SNTG1: variants seen among roughly 807,000 people sequenced by gnomAD.
The protein encoded by SNTG1 is gamma-1-syntrophin.
Under a neutral mutation model 74.7 loss-of-function variants are expected in SNTG1, and 39 were observed. The observed-to-expected ratio is 0.52, with a 90% confidence interval of 0.40 to 0.68. The LOEUF is 0.68. Ranked by LOEUF, SNTG1 falls within the 30% of genes least tolerant of loss-of-function variation. The pLI is 0.00. For synonymous variants in SNTG1, 254 were observed against 217.1 expected (o/e 1.17, Z -1.49); for missense variants, 685 against 609.5 (o/e 1.12, Z -1.30).
At chr8:50,368,242 G>T (rs750710945) in intron 2 of SNTG1, among the ~76,000 whole-genome samples, 26 of 152,084 alleles carry the variant, frequency 1.7e-4, no homozygotes, top group Non-Finnish European at 2.9e-4. Flanking sequence ...TATCTTGGTT[G>T]CATTTTGTTC....
chr8:49,910,737 G>C (rs2306742), upstream of SNTG1, among the ~76,000 whole-genome samples: 4,838 of 152,246 alleles, frequency 0.032, 230 homozygotes, highest in African/African-American at 0.1. Context: ...TGGGAGACCA[G>C]AGGGAAAATG....
chr8:50,588,282 G>A (rs1473018404), intron 12 of SNTG1, among the ~76,000 whole-genome samples: 5 of 152,042 alleles, frequency 3.3e-5, no homozygotes, highest in African/African-American at 1.2e-4. Context: ...ATGGATGTGG[G>A]TGTGTGTACA....
At chr8:50,108,344 A>ATGTTC (rs2080458900) in intron 1 of SNTG1, among the ~76,000 whole-genome samples, 2 of 152,188 alleles carry the variant, frequency 1.3e-5, no homozygotes, top group African/African-American at 2.4e-5. Flanking sequence ...AAGACAGTTT[A>ATGTTC]TGTTCTGGTA....
At chr8:50,256,020 A>G (rs776881800) in intron 2 of SNTG1, among the ~76,000 whole-genome samples, 4 of 152,160 alleles carry the variant, frequency 2.6e-5, no homozygotes. Context: ...TTATCCTCAA[A>G]TACTTGTCTA....
chr8:50,401,294 A>G (rs2092802222), intron 3 of SNTG1, among the ~76,000 whole-genome samples: 3 of 152,158 alleles, frequency 2.0e-5, no homozygotes, highest in Admixed American at 2.0e-4. Flanking sequence ...GTCTGTGACA[A>G]GTGGGAATGT....
chr8:50,747,471 G>T (rs188999442), intron 17 of SNTG1, among the ~76,000 whole-genome samples: 1 of 151,822 alleles, frequency 6.6e-6, no homozygotes, highest in Non-Finnish European at 1.5e-5. Context: ...AAAAATTGGC[G>T]TATAAAAATT....
chr8:50,713,869 C>T (rs2095468662), intron 17 of SNTG1, among the ~76,000 whole-genome samples: 1 of 151,916 alleles, frequency 6.6e-6, no homozygotes, highest in Non-Finnish European at 1.5e-5. Context: ...ACCAGCATGA[C>T]CAACATAATG....
At chr8:50,298,032 CT>C (rs1478190415) in intron 2 of SNTG1, among the ~76,000 whole-genome samples, 1,551 of 9,160 alleles carry the variant, frequency 0.17, 7 homozygotes, top group Non-Finnish European at 0.41. Context: ...TGTTGAAAAG[CT>C]AAAAAAAAAA....
At chr8:50,479,725 TCC>T (rs2093725032) in intron 8 of SNTG1, among the ~76,000 whole-genome samples, 1 of 151,992 alleles carries the variant, frequency 6.6e-6, no homozygotes, top group Admixed American at 6.5e-5. Flanking sequence ...TCTTCAGCTG[TCC>T]CCCATATTGG....
In SNTG1 at chr8:50,103,356, CTGTT is replaced by C. The variant is rs1201126137; in HGVS notation, c.-102-69201_-102-69198del. Among the ~76,000 whole-genome samples, 16 of 152,222 alleles carry C rather than the reference CTGTT, an allele frequency of 1.1e-4. No individual in the cohort carries two copies. The East Asian group carries it at 2.9e-3, about 28-fold the overall frequency. The stretch of plus-strand genomic sequence containing the variant: ...AGGAGTTCACTCATGATTTGGCTCT[CTGTT>C]TGTCTGTTGTTGGTGTATAAGAATG... On this transcript the variant is annotated intron_variant, in intron 1 of 18. Coordinates refer to ENST00000642720, the MANE Select transcript of SNTG1 (RefSeq NM_018967.5).
intron 11 of SNTG1, among the ~76,000 whole-genome samples, chr8:50,544,503 C>A (rs2623209): frequency 0.35 from 53,055 of 151,638 alleles, 11,169 homozygotes; most frequent in African/African-American, 0.6. Flanking sequence ...TTTTTAAAAG[C>A]GTACATTTAT....
intron 2 of SNTG1, among the ~76,000 whole-genome samples, chr8:50,375,341 C>G (rs1010255383): frequency 1.3e-5 from 2 of 151,916 alleles, no homozygotes; most frequent in Non-Finnish European, 2.9e-5. Context: ...ACAGGAGGAC[C>G]TGGGGGACAA....
At chr8:50,152,821 T>C (rs2082115935) in intron 1 of SNTG1, among the ~76,000 whole-genome samples, 1 of 152,242 alleles carries the variant, frequency 6.6e-6, no homozygotes, top group South Asian at 2.1e-4. Context: ...GACTTTTCTC[T>C]CTGGCTGCCC....
chr8:50,104,053 C>T (rs1009348639), intron 1 of SNTG1, among the ~76,000 whole-genome samples: 19 of 152,198 alleles, frequency 1.2e-4, no homozygotes, highest in Non-Finnish European at 2.4e-4. Flanking sequence ...CCAGCTTTGG[C>T]ATCAGGATGA....
intron 8 of SNTG1, among the ~76,000 whole-genome samples, chr8:50,456,220 T>A (rs2093503852): frequency 6.6e-6 from 1 of 152,218 alleles, no homozygotes; most frequent in African/African-American, 2.4e-5. Flanking sequence ...TGCATGCTTG[T>A]ACTCCTGACT....
intron 2 of SNTG1, among the ~76,000 whole-genome samples, chr8:50,308,344 C>A (rs1246038814): frequency 6.6e-6 from 1 of 151,990 alleles, no homozygotes; most frequent in Non-Finnish European, 1.5e-5. Context: ...GGCTTCTCTG[C>A]TTCTCTCTGC....
At chr8:50,724,426 A>T (rs919338286) in intron 17 of SNTG1, among the ~76,000 whole-genome samples, 8 of 152,190 alleles carry the variant, frequency 5.3e-5, no homozygotes, top group Non-Finnish European at 1.2e-4. Flanking sequence ...GCTGCCCAAG[A>T]TGTGATAATA....
At chr8:50,013,553 A>T (rs1024446873) in intron 1 of SNTG1, among the ~76,000 whole-genome samples, 3 of 152,072 alleles carry the variant, frequency 2.0e-5, no homozygotes, top group African/African-American at 7.2e-5. Context: ...ATACATATAT[A>T]TGGCTCTCTG....
intron 2 of SNTG1, among the ~76,000 whole-genome samples, chr8:50,331,189 G>A (rs991799347): frequency 6.6e-6 from 1 of 152,082 alleles, no homozygotes; most frequent in Non-Finnish European, 1.5e-5. Flanking sequence ...AATTGAAATA[G>A]CACACAGACA....
Sources: gnomAD v4.1 joint callset for allele counts (sites outside exome capture counted in the v4.1 genomes callset) on GRCh38, gnomAD v4.1.1 for gene constraint, MANE v1.5 for transcripts, NCBI Gene and HGNC (gene_info 2026-07-23, HGNC 2026-07-21) for gene names.